Variants in HTT observed in about 807,000 individuals in gnomAD.
HTT encodes huntington disease protein.
In HTT, 104 loss-of-function variants were observed where a neutral mutation model predicts 362.3. That is an observed-to-expected ratio of 0.29 (90% CI 0.24 to 0.34). HTT has a LOEUF of 0.34. Among genes scored for constraint, HTT ranks in the 10% least tolerant of loss-of-function variants. The pLI is 1.00. For missense variants in HTT, 3,301 were observed against 3,928.6 expected, an observed-to-expected ratio of 0.84 and a Z score of 4.27; for synonymous variants, 1,577 against 1,548.7, an observed-to-expected ratio of 1.02 and a Z score of -0.43.
rs777847310 is a variant in HTT, at chr4:3,223,492, C to T, written c.7557C>T (p.Ala2519=). ...LVLSAMTVPV[A]GNPAVSCLEQ... is the part of the protein sequence containing the mutation. ...TCAGTGCAATGACTGTGCCTGTGGC[C>T]GGCAACCCAGCTGTAAGCTGCTTGG... Residue 2519 remains alanine (A), a synonymous_variant, in exon 55 of 67, where the codon GCC becomes GCT. Transcript: ENST00000355072. 2.1e-5 allele frequency: 34 copies of T among 1,613,870 alleles called. No individual in the cohort carries two copies. The highest frequency in any genetic ancestry group is 3.3e-4 in the Middle Eastern group (2 of 6,080).
intron 60 of HTT, among the ~76,000 whole-genome samples, chr4:3,232,291 G>A (rs1308020713): frequency 2.0e-5 from 3 of 152,152 alleles, no homozygotes; most frequent in African/African-American, 7.2e-5. Flanking sequence ...CTGCGGAGAG[G>A]CTCCTACCAC....
chr4:3,235,472 C>T, intron 62 of HTT, 74 bp downstream of exon 62: 1 of 1,499,420 alleles, frequency 6.7e-7, no homozygotes, highest in Non-Finnish European at 9.3e-7. Flanking sequence ...CAGGATCATA[C>T]CAGTGGGCCA....
intron 2 of HTT, among the ~76,000 whole-genome samples, chr4:3,093,028 CA>C (rs1436278243): frequency 6.6e-6 from 1 of 152,100 alleles, no homozygotes; most frequent in Non-Finnish European, 1.5e-5. Flanking sequence ...TGCAGAGATG[CA>C]AGGTGGTGAG....
At chr4:3,144,700 TC>T (rs1459687469) in intron 23 of HTT, among the ~76,000 whole-genome samples, 1 of 152,242 alleles carries the variant, frequency 6.6e-6, no homozygotes, top group Non-Finnish European at 1.5e-5. Flanking sequence ...AGTATGGTCT[TC>T]CCTTGATTTG....
At chr4:3,086,163 A>C (rs978594522) in intron 1 of HTT, among the ~76,000 whole-genome samples, 1 of 152,222 alleles carries the variant, frequency 6.6e-6, no homozygotes, top group Admixed American at 6.5e-5. Flanking sequence ...AGAAAGAAAG[A>C]AAGTTTCTAA....
chr4:3,110,540 G>A (rs564699865), intron 6 of HTT, among the ~76,000 whole-genome samples: 9 of 152,260 alleles, frequency 5.9e-5, no homozygotes, highest in African/African-American at 1.9e-4. Flanking sequence ...TTTTTCTATC[G>A]TCTAGTAGCT....
In HTT at chr4:3,199,972, C is replaced by T. The variant is rs201424915; in HGVS notation, c.5576+33C>T. On this transcript the variant is annotated intron_variant, in intron 41 of 66. Transcript: ENST00000355072. ...CATAATGCCCCACAGCCCAGGGCGCCAGCCCAGCACCCTGTCCTGAGACTC... is the reference window on the plus strand; with the variant it reads ...CATAATGCCCCACAGCCCAGGGCGCTAGCCCAGCACCCTGTCCTGAGACTC... 3.8e-6 allele frequency: 6 copies of T among 1,559,266 alleles called. No homozygotes were observed. In the Admixed American group the frequency reaches 1.1e-4, roughly 28 times the overall value.
chr4:3,097,837 G>A (rs1713933220), intron 2 of HTT, among the ~76,000 whole-genome samples: 1 of 152,116 alleles, frequency 6.6e-6, no homozygotes, highest in South Asian at 2.1e-4. Flanking sequence ...TTAGTTACTG[G>A]AAAACTTTTA....
At chr4:3,119,810 A>G (rs1436373496) in intron 8 of HTT, among the ~76,000 whole-genome samples, 1 of 152,336 alleles carries the variant, frequency 6.6e-6, no homozygotes, top group East Asian at 1.9e-4. Context: ...TTTGTTCAAA[A>G]TGGATGGCTT....
chr4:3,229,771 C>T (rs539717546), intron 59 of HTT, 116 bp from the exon 60 acceptor site: 5 of 1,123,496 alleles, frequency 4.5e-6, no homozygotes, highest in Admixed American at 1.8e-5. Context: ...GCGTCCCGCA[C>T]AGTAATGTCT....
rs185109645 is a variant in HTT, at chr4:3,136,051, A to G, written c.2697+84A>G. The G allele has an allele frequency of 1.9e-5, 20 of 1,028,666 alleles. No individual in the cohort carries two copies. The African/African-American group carries it at 2.9e-4, about 15-fold the overall frequency. 63.7% of individuals were successfully genotyped at this position (1,028,666 alleles called of 1,614,324 possible). ...TTCCTTGTGGAATTTCTCTAAATGC[A>G]TTCGTCATGTTTTAGATGTTTATTT... is the stretch of plus-strand genomic sequence containing the variant. On this transcript the variant is annotated intron_variant, in intron 20 of 66. Coordinates refer to ENST00000355072, the MANE Select transcript of HTT (RefSeq NM_001388492.1).
chr4:3,192,133 G>C (rs895747705), intron 40 of HTT, among the ~76,000 whole-genome samples: 1 of 152,142 alleles, frequency 6.6e-6, no homozygotes, highest in African/African-American at 2.4e-5. Flanking sequence ...GTGGCATGAA[G>C]TGCAGTGCGA....
Position 3,168,845 on chromosome 4 carries a change from C to G in HTT, c.3865-3475C>G, listed in dbSNP as rs184479148. Among the ~76,000 whole-genome samples, 58 of 152,244 alleles carry G rather than the reference C, an allele frequency of 3.8e-4. No homozygotes were observed. The Middle Eastern group carries it at 0.014, about 36-fold the overall frequency. ...AGAGCCATGATCATGCCATTGCACT[C>G]CAGCATGGGTGACAGACTTTATACT... On this transcript the variant is annotated intron_variant, in intron 29 of 66. Transcript: ENST00000355072.
intron 40 of HTT, among the ~76,000 whole-genome samples, chr4:3,193,996 A>G (rs1719135527): frequency 1.3e-5 from 2 of 152,230 alleles, no homozygotes; most frequent in South Asian, 4.1e-4. Flanking sequence ...CATTTATTTG[A>G]AAGACACTAG....
At chr4:3,137,321 AC>A (rs1432673929) in intron 21 of HTT, among the ~76,000 whole-genome samples, 1 of 152,050 alleles carries the variant, frequency 6.6e-6, no homozygotes, top group African/African-American at 2.4e-5. Flanking sequence ...CATTTCTGTC[AC>A]CCCAAATGTA....
chr4:3,199,619 G>C (rs1038404924), intron 40 of HTT, 113 bp from the exon 41 acceptor site: 19 of 838,724 alleles, frequency 2.3e-5, no homozygotes, highest in Non-Finnish European at 3.6e-5. Context: ...TTCTGAATAC[G>C]TAAGTATGGG....
chr4:3,095,965 A>G (rs917676281), intron 2 of HTT, among the ~76,000 whole-genome samples: 1 of 152,226 alleles, frequency 6.6e-6, no homozygotes, highest in African/African-American at 2.4e-5. Context: ...GACTCGGTAT[A>G]TGCTGCTGCC....
intron 29 of HTT, among the ~76,000 whole-genome samples, chr4:3,168,696 C>T (rs756695796): frequency 1.8e-4 from 28 of 152,114 alleles, no homozygotes; most frequent in Non-Finnish European, 3.4e-4. Context: ...ATCTGCAAAC[C>T]GGGAAACTGT....
At position 3,127,555 on chromosome 4, in the gene HTT, C is replaced by G; in HGVS notation, c.1694C>G (p.Thr565Ser). The change falls in exon 12 of 67, where the codon ACC becomes AGC. Residue 565 changes from threonine to serine, a missense_variant. Physicochemically the swap from Thr to Ser is moderately conservative, Grantham distance 58 (BLOSUM62 1). Transcript: ENST00000355072. ...CCCATCAGCGACAGCTCCCAGACCA[C>G]CACCGAAGGGCCTGATTCAGCTGTT... is the stretch of plus-strand genomic sequence containing the variant. Reference protein sequence around the residue: ...SSPISDSSQTTTEGPDSAVTP... With the variant: ...SSPISDSSQTSTEGPDSAVTP... The G allele has an allele frequency of 6.2e-7, 1 of 1,614,092 alleles. No homozygotes were observed. The highest frequency in any genetic ancestry group is 8.5e-7 in the Non-Finnish European group (1 of 1,179,942).
Sources: allele counts gnomAD v4.1 joint callset (sites outside exome capture counted in the v4.1 genomes callset), GRCh38; gene constraint gnomAD v4.1.1; transcripts MANE v1.5; gene names NCBI Gene and HGNC (gene_info 2026-07-23, HGNC 2026-07-21).